Variants in CHST9 observed in about 807,000 individuals in gnomAD.
CHST9 encodes the protein GalNAc-4-sulfotransferase 2.
Under a neutral mutation model 44.4 loss-of-function variants are expected in CHST9, and 41 were observed. The observed-to-expected ratio is 0.92, with a 90% CI of 0.72 to 1.20. CHST9 has a LOEUF of 1.20. CHST9 is among the 50% of genes most tolerant of loss of function. The pLI is 0.00. For synonymous variants in CHST9, 171 were observed against 178.4 expected, an observed-to-expected ratio of 0.96 and a Z score of 0.33; for missense variants, 504 against 516.5, an observed-to-expected ratio of 0.98 and a Z score of 0.23.
intron 2 of CHST9, among the ~76,000 whole-genome samples, chr18:27,122,848 A>G (rs1165378907): frequency 1.3e-5 from 2 of 152,134 alleles, no homozygotes; most frequent in Non-Finnish European, 2.9e-5. Context: ...ACTCAAAAGA[A>G]AAAAAATAGG....
At chr18:27,145,139 T>G (rs1001739616) in intron 1 of CHST9, among the ~76,000 whole-genome samples, 4 of 152,162 alleles carry the variant, frequency 2.6e-5, no homozygotes, top group Admixed American at 2.6e-4. Flanking sequence ...TTATGCAAAA[T>G]GAGAAAAATA....
intron 1 of CHST9, among the ~76,000 whole-genome samples, chr18:27,163,579 G>C (rs575997713): frequency 2.5e-4 from 38 of 152,330 alleles, no homozygotes; most frequent in African/African-American, 8.9e-4. Context: ...TGCTAGCAAT[G>C]AGCGAGGCTC....
intron 5 of CHST9, among the ~76,000 whole-genome samples, chr18:26,922,150 CTTTTGCTTTTTTTGCTTCTCT>C (rs2055668296): frequency 6.6e-6 from 1 of 152,142 alleles, no homozygotes; most frequent in African/African-American, 2.4e-5. Flanking sequence ...GCCTCTTCTC[CTTTTGCTTTTTTTGCTTCTCT>C]CTTAACACAT....
chr18:27,053,256 AAGAAGGAGAAGGAGAAGGAGAAGG>A (rs1222225670), intron 2 of CHST9, among the ~76,000 whole-genome samples: 20 of 80,586 alleles, frequency 2.5e-4, no homozygotes, highest in East Asian at 6.7e-4. Context: ...GAAGAAGAAG[AAGAAGGAGAAGGAGAAGGAGAAGG>A]AGAAGGAGAA....
At chr18:27,138,920 T>C (rs1160557530) in intron 2 of CHST9, among the ~76,000 whole-genome samples, 1 of 152,106 alleles carries the variant, frequency 6.6e-6, no homozygotes, top group Non-Finnish European at 1.5e-5. Flanking sequence ...TGATAACATA[T>C]CAACATACTG....
chr18:27,034,860 CT>C (rs993936146), intron 3 of CHST9, among the ~76,000 whole-genome samples: 25 of 152,050 alleles, frequency 1.6e-4, no homozygotes, highest in African/African-American at 5.8e-4. Context: ...TGTGTGTGTT[CT>C]TTTTTAACTA....
At chr18:27,003,227 T>C (rs1014185079) in intron 4 of CHST9, among the ~76,000 whole-genome samples, 5 of 152,154 alleles carry the variant, frequency 3.3e-5, no homozygotes, top group African/African-American at 9.7e-5. Flanking sequence ...ATTATCCTAA[T>C]CATTTTCCTA....
At chr18:27,005,335 A>T (rs912926715) in intron 4 of CHST9, among the ~76,000 whole-genome samples, 1 of 152,212 alleles carries the variant, frequency 6.6e-6, no homozygotes, top group African/African-American at 2.4e-5. Context: ...TAAAATGCTC[A>T]GCCCAATAAT....
intron 3 of CHST9, among the ~76,000 whole-genome samples, chr18:27,048,211 A>G (rs1289252713): frequency 6.6e-6 from 1 of 152,186 alleles, no homozygotes; most frequent in Non-Finnish European, 1.5e-5. Flanking sequence ...CTTTAAATAG[A>G]TAATCATGAA....
At chr18:26,967,266 G>A (rs2056478115) in intron 4 of CHST9, among the ~76,000 whole-genome samples, 1 of 152,146 alleles carries the variant, frequency 6.6e-6, no homozygotes. Flanking sequence ...TATGTAGGAA[G>A]CTGCTTATAT....
intron 2 of CHST9, among the ~76,000 whole-genome samples, chr18:27,060,435 T>G (rs2057708075): frequency 6.6e-6 from 1 of 152,170 alleles, no homozygotes; most frequent in Non-Finnish European, 1.5e-5. Context: ...AGCCAGGCAC[T>G]GGCACAGTGC....
chr18:27,144,948 T>C (rs187326170), intron 1 of CHST9, among the ~76,000 whole-genome samples: 1 of 151,938 alleles, frequency 6.6e-6, no homozygotes, highest in Non-Finnish European at 1.5e-5. Context: ...TGTGCCAATG[T>C]ACTCCACCCT....
intron 1 of CHST9, among the ~76,000 whole-genome samples, chr18:27,163,472 C>G (rs548964599): frequency 3.8e-4 from 58 of 152,330 alleles, no homozygotes; most frequent in African/African-American, 1.2e-3. Context: ...CCAGTTCAAG[C>G]TTCCTGGCCG....
chr18:27,052,920 T>A (rs1249714645), intron 2 of CHST9, among the ~76,000 whole-genome samples: 2 of 151,584 alleles, frequency 1.3e-5, no homozygotes, highest in Non-Finnish European at 2.9e-5. Flanking sequence ...TGGACCCTGT[T>A]GGGGGTGAGG....
intron 2 of CHST9, among the ~76,000 whole-genome samples, chr18:27,052,316 A>G (rs2057578158): frequency 6.6e-6 from 1 of 151,704 alleles, no homozygotes; most frequent in Admixed American, 6.6e-5. Flanking sequence ...ATGTGTGTAT[A>G]TATATGTATA....
chr18:27,160,820 G>C (rs1250865752), intron 1 of CHST9, among the ~76,000 whole-genome samples: 17 of 152,126 alleles, frequency 1.1e-4, no homozygotes, highest in South Asian at 6.2e-4. Context: ...GATTCAACTT[G>C]TTCCTGGTTT....
intron 2 of CHST9, among the ~76,000 whole-genome samples, chr18:27,068,626 T>A (rs189089010): frequency 2.6e-5 from 4 of 152,306 alleles, no homozygotes; most frequent in African/African-American, 9.6e-5. Flanking sequence ...TTATTTTAAC[T>A]TACCAACATA....
intron 4 of CHST9, among the ~76,000 whole-genome samples, chr18:26,980,175 A>G (rs185468985): frequency 2.4e-3 from 358 of 152,112 alleles, no homozygotes; most frequent in Middle Eastern, 3.4e-3. Context: ...CTTCTATATA[A>G]CCCTTCACTA....
intron 1 of CHST9, among the ~76,000 whole-genome samples, chr18:27,146,314 C>T (rs1417962116): frequency 1.3e-5 from 2 of 152,150 alleles, no homozygotes; most frequent in African/African-American, 4.8e-5. Context: ...ATTAAAGCCA[C>T]AAGGCAGAAA....
Sources: gnomAD v4.1 joint callset for allele counts (sites outside exome capture counted in the v4.1 genomes callset) on GRCh38, gnomAD v4.1.1 for gene constraint, MANE v1.5 for transcripts, NCBI Gene and HGNC (gene_info 2026-07-23, HGNC 2026-07-21) for gene names.